Variants in LGSN observed in about 807,000 individuals in gnomAD.
LGSN encodes lengsin.
In LGSN, 21 loss-of-function variants were observed where a neutral mutation model predicts 19.5. The observed-to-expected ratio is 1.07, with a 90% CI of 0.76 to 1.55. LGSN has a LOEUF of 1.55. Ranked by LOEUF, LGSN falls within the 40% of genes most tolerant of loss-of-function variation. The probability of loss-of-function intolerance (pLI) is 0.00; values close to 1 mark genes in which losing one functional copy is unlikely to be tolerated. For missense variants in LGSN, 673 were observed against 608.5 expected, an observed-to-expected ratio of 1.11 and a Z score of -1.12; for synonymous variants, 257 against 215.6, an observed-to-expected ratio of 1.19 and a Z score of -1.68.
chr6:63,407,510 G>A, the LGSN span, among the ~76,000 whole-genome samples: 3 of 152,178 alleles, frequency 2.0e-5, no homozygotes, highest in Admixed American at 1.3e-4. Context: ...CAATAAATTC[G>A]GTATTGATGG....
At chr6:63,404,681 C>A in the LGSN span, among the ~76,000 whole-genome samples, 1 of 152,054 alleles carries the variant, frequency 6.6e-6, no homozygotes, top group Non-Finnish European at 1.5e-5. Flanking sequence ...AGGGGATCAC[C>A]AAAGGCCCCA....
At chr6:63,549,289 G>A in the LGSN span, 47 of 753,722 alleles carry the variant, frequency 6.2e-5, 1 homozygote, top group East Asian at 1.1e-3. Context: ...GGCACTTTCA[G>A]CCACTTACAG....
the LGSN span, among the ~76,000 whole-genome samples, chr6:63,450,117 C>T: frequency 3.8e-4 from 55 of 144,900 alleles, no homozygotes; most frequent in East Asian, 0.012. Context: ...GAGGCTGAGG[C>T]GGGTGGATCA....
intron 1 of LGSN, among the ~76,000 whole-genome samples, chr6:63,297,480 C>T (rs143904853): frequency 9.9e-5 from 15 of 152,014 alleles, no homozygotes; most frequent in African/African-American, 3.6e-4. Flanking sequence ...CTTTTCAGTC[C>T]TTTGGTTTTC....
the LGSN span, among the ~76,000 whole-genome samples, chr6:63,475,677 C>T: frequency 6.6e-6 from 1 of 152,246 alleles, no homozygotes; most frequent in South Asian, 2.1e-4. Flanking sequence ...ACCAAAAACA[C>T]GTTTCTAATA....
intron 2 of LGSN, 137 bp from the exon 3 acceptor site, chr6:63,285,890 G>A (rs1443529664): frequency 4.5e-6 from 3 of 673,274 alleles, no homozygotes; most frequent in Non-Finnish European, 7.5e-6. Flanking sequence ...CTTAGAGTTG[G>A]ATATCTTACC....
At chr6:63,379,804 G>C in the LGSN span, among the ~76,000 whole-genome samples, 1 of 152,002 alleles carries the variant, frequency 6.6e-6, no homozygotes, top group Non-Finnish European at 1.5e-5. Context: ...GTAAAATGTT[G>C]CTGTAGTTAA....
At chr6:63,530,371 C>G in the LGSN span, among the ~76,000 whole-genome samples, 1 of 152,110 alleles carries the variant, frequency 6.6e-6, no homozygotes, top group African/African-American at 2.4e-5. Context: ...TATGATGGTA[C>G]TGGAAGGCAG....
At chr6:63,345,546 T>C in the LGSN span, among the ~76,000 whole-genome samples, 2 of 152,162 alleles carry the variant, frequency 1.3e-5, no homozygotes, top group African/African-American at 4.8e-5. Context: ...TTTCTTTATG[T>C]CTTATTACTC....
intron 1 of LGSN, among the ~76,000 whole-genome samples, chr6:63,314,944 T>A (rs1272353558): frequency 6.6e-6 from 1 of 152,136 alleles, no homozygotes; most frequent in East Asian, 1.9e-4. Context: ...TAAGGTTTCA[T>A]GAGGTCACAA....
chr6:63,515,604 T>C, the LGSN span, among the ~76,000 whole-genome samples: 2 of 152,202 alleles, frequency 1.3e-5, no homozygotes, highest in Non-Finnish European at 2.9e-5. Flanking sequence ...CAATCTTGAG[T>C]TGACATGTAT....
the LGSN span, among the ~76,000 whole-genome samples, chr6:63,529,158 T>TGTGTGTATATATATATATGTATATATAC: frequency 2.9e-5 from 3 of 101,806 alleles, no homozygotes; most frequent in African/African-American, 1.5e-4. Context: ...TGTATATATA[T>TGTGTGTATATATATATATGTATATATAC]GTGTGTATAT....
the LGSN span, among the ~76,000 whole-genome samples, chr6:63,388,041 T>G: frequency 7.3e-6 from 1 of 137,742 alleles, no homozygotes; most frequent in Non-Finnish European, 1.6e-5. Context: ...AATTTTTTTG[T>G]TTTTTTTTTT....
At chr6:63,490,919 G>A in the LGSN span, among the ~76,000 whole-genome samples, 1 of 152,068 alleles carries the variant, frequency 6.6e-6, no homozygotes, top group African/African-American at 2.4e-5. Context: ...GGCAGGAAAA[G>A]ACAGACACCC....
At chr6:63,466,872 T>C in the LGSN span, among the ~76,000 whole-genome samples, 1 of 152,112 alleles carries the variant, frequency 6.6e-6, no homozygotes, top group Admixed American at 6.6e-5. Context: ...GAATTGACAG[T>C]TGGATATTGG....
At chr6:63,333,524 AAAG>A in the LGSN span, among the ~76,000 whole-genome samples, 1 of 149,774 alleles carries the variant, frequency 6.7e-6, no homozygotes, top group South Asian at 2.2e-4. Flanking sequence ...CAAAAGAACA[AAAG>A]AATGAAAGAA....
intron 1 of LGSN, among the ~76,000 whole-genome samples, chr6:63,302,731 T>C (rs1036830970): frequency 6.6e-6 from 1 of 152,120 alleles, no homozygotes; most frequent in African/African-American, 2.4e-5. Context: ...AGAAACGAAA[T>C]TTGTATTTAA....
chr6:63,429,404 C>A, the LGSN span, among the ~76,000 whole-genome samples: 5 of 151,992 alleles, frequency 3.3e-5, no homozygotes, highest in African/African-American at 1.2e-4. Context: ...ATGAATTGGA[C>A]CAGCCGAAAG....
At chr6:63,526,544 T>C in the LGSN span, among the ~76,000 whole-genome samples, 2 of 151,868 alleles carry the variant, frequency 1.3e-5, no homozygotes, top group African/African-American at 4.8e-5. Flanking sequence ...GCGCAGTGGC[T>C]CATGCCTGTA....
Sources: gnomAD v4.1 joint callset for allele counts (sites outside exome capture counted in the v4.1 genomes callset) on GRCh38, gnomAD v4.1.1 for gene constraint, MANE v1.5 for transcripts, NCBI Gene and HGNC (gene_info 2026-07-23, HGNC 2026-07-21) for gene names.